PCSK5: variants seen among roughly 807,000 people sequenced by gnomAD.
PCSK5 encodes the protein prohormone convertase 5.
In PCSK5, 129 loss-of-function variants were observed where a neutral mutation model predicts 233.2. That is an observed-to-expected ratio of 0.55 (90% CI 0.48 to 0.64). The LOEUF (loss-of-function observed/expected upper bound fraction) is 0.64, where lower values mean the gene tolerates loss of function less well. PCSK5 is among the 30% of genes least tolerant of loss of function. The pLI is 0.00. For missense variants in PCSK5, 2,076 were observed against 2,430.1 expected (o/e 0.85, Z 3.06); for synonymous variants, 825 against 879.2 (o/e 0.94, Z 1.09).
intron 5 of PCSK5, among the ~76,000 whole-genome samples, chr9:76,053,958 A>G (rs763524320): frequency 2.0e-5 from 3 of 152,186 alleles, no homozygotes; most frequent in Non-Finnish European, 4.4e-5. Context: ...ACTTATAAAG[A>G]AAAAGAGGTT....
intron 37 of PCSK5, among the ~76,000 whole-genome samples, chr9:76,356,635 T>C (rs1830310218): frequency 6.6e-6 from 1 of 152,186 alleles, no homozygotes; most frequent in African/African-American, 2.4e-5. Context: ...GATAGGGCTG[T>C]TACTTTAGAA....
intron 22 of PCSK5, among the ~76,000 whole-genome samples, chr9:76,236,367 T>C (rs1427811215): frequency 6.6e-6 from 1 of 152,184 alleles, no homozygotes; most frequent in Non-Finnish European, 1.5e-5. Context: ...TAAAAGTGAA[T>C]TACTCTCCAG....
chr9:76,170,195 A>G (rs1823272062), intron 13 of PCSK5, among the ~76,000 whole-genome samples: 2 of 142,606 alleles, frequency 1.4e-5, no homozygotes, highest in African/African-American at 5.1e-5. Flanking sequence ...ACAAGAAGAG[A>G]CAGGCTTCCT....
chr9:75,913,170 G>A lies in PCSK5; in HGVS notation c.193-19209G>A, dbSNP rs989595118. Among the ~76,000 whole-genome samples, 3 of 151,948 alleles carry A rather than the reference G, an allele frequency of 2.0e-5. No individual in the cohort carries two copies. The East Asian group carries it at 5.8e-4, about 29-fold the overall frequency. On this transcript the variant is annotated intron_variant, in intron 1 of 37. Transcript: ENST00000674117. ...TGGGCACATTCTTCCTCAGCACCTG[G>A]TATGCTGCTGGCTGTTCCCACAGAG...
At chr9:76,063,319 C>CTTTTTT (rs1157596601) in intron 5 of PCSK5, among the ~76,000 whole-genome samples, 5,420 of 60,038 alleles carry the variant, frequency 0.09, 16 homozygotes, top group Non-Finnish European at 0.12. Flanking sequence ...TTTCTTTTTT[C>CTTTTTT]TTTTTTTTTT....
chr9:76,235,751 G>A (rs145822710), intron 22 of PCSK5, among the ~76,000 whole-genome samples: 5 of 152,170 alleles, frequency 3.3e-5, no homozygotes, highest in Admixed American at 6.5e-5. Context: ...AGCAGAGAAG[G>A]CTTCCTCGAG....
chr9:75,891,419 G>A, intron 1 of PCSK5, 46 bp downstream of exon 1: 1 of 1,444,932 alleles, frequency 6.9e-7, no homozygotes, highest in African/African-American at 1.5e-5. Flanking sequence ...GAAGCCACTG[G>A]GGGCTTCTTG....
At chr9:76,328,975 A>ATTTTTTTTTTTTTTTTTTTTTTTTTTT (rs59466685) in intron 33 of PCSK5, among the ~76,000 whole-genome samples, 3 of 123,726 alleles carry the variant, frequency 2.4e-5, no homozygotes, top group Non-Finnish European at 3.3e-5. Flanking sequence ...CTCCCGGCTA[A>ATTTTTTTTTTTTTTTTTTTTTTTTTTT]TTTTTTTTTT....
At chr9:75,965,989 A>T (rs928255849) in intron 2 of PCSK5, among the ~76,000 whole-genome samples, 7 of 152,180 alleles carry the variant, frequency 4.6e-5, no homozygotes, top group Admixed American at 3.9e-4. Flanking sequence ...GACACATTAT[A>T]GACAGATATA....
chr9:76,003,818 A>ATT (rs112766069), intron 3 of PCSK5, among the ~76,000 whole-genome samples: 10 of 151,546 alleles, frequency 6.6e-5, no homozygotes, highest in Middle Eastern at 3.4e-3. Context: ...TCTTTTATTT[A>ATT]TTTTTTTAGA....
chr9:76,040,399 C>CTGTCTCTCTGTCTG, intron 5 of PCSK5, among the ~76,000 whole-genome samples: 1 of 130,702 alleles, frequency 7.7e-6, no homozygotes, highest in South Asian at 2.7e-4. Context: ...CTCTCTCTCT[C>CTGTCTCTCTGTCTG]TCTCTCTCTC....
chr9:75,945,001 C>T lies in PCSK5; in HGVS notation c.297+12518C>T, dbSNP rs531324551. Among the ~76,000 whole-genome samples the T allele has an allele frequency of 1.3e-4, 20 of 151,698 alleles. No homozygotes were observed. In the South Asian group the frequency reaches 3.3e-3, roughly 25 times the overall value. ...GTGCATGCCTGTAATCCCAACTACT[C>T]GGGAGGCTGAGGCAGGAGAATTGCT... On this transcript the variant is annotated intron_variant, in intron 2 of 37. Transcript: ENST00000674117.
chr9:76,161,010 G>A (rs947243888), intron 12 of PCSK5, among the ~76,000 whole-genome samples: 2 of 152,202 alleles, frequency 1.3e-5, no homozygotes, highest in Non-Finnish European at 2.9e-5. Flanking sequence ...CCAACCTCAA[G>A]TGATCCTCTT....
Position 75,986,187 on chromosome 9 carries a change from T to G in PCSK5, c.353T>G (p.Phe118Cys). ...AAGCGGACAAAGAGGGATTATGACTTCAGTCGTGCCCAGTCTACCTATTTC... is the reference window on the plus strand; with the variant it reads ...AAGCGGACAAAGAGGGATTATGACTGCAGTCGTGCCCAGTCTACCTATTTC... ...VKKRTKRDYD[F>C]SRAQSTYFND... Residue 118 changes from phenylalanine (F) to cysteine (C), a missense_variant, in exon 3 of 38, where the codon TTC (phenylalanine) becomes TGC (cysteine). Physicochemically the swap from Phe to Cys is radical, Grantham distance 205. Coordinates refer to ENST00000674117, the MANE Select transcript of PCSK5 (RefSeq NM_001372043.1). 1 of 1,613,936 alleles carries G rather than the reference T, an allele frequency of 6.2e-7. No homozygotes were observed. The highest frequency in any genetic ancestry group is 8.5e-7 in the Non-Finnish European group (1 of 1,179,784).
Position 76,078,552 on chromosome 9 carries a change from A to T in PCSK5, c.894+6654A>T, listed in dbSNP as rs1420803345. ...ATAGGGAGTCCTTTCTCTATTACTT[A>T]TCCCAGCGCCATTTATTGAATAAGG... On this transcript the variant is annotated intron_variant, in intron 7 of 37. Coordinates refer to ENST00000674117, the MANE Select transcript of PCSK5 (RefSeq NM_001372043.1). Among the ~76,000 whole-genome samples, 6 of 152,174 alleles carry T rather than the reference A, an allele frequency of 3.9e-5. No homozygotes were observed. In the East Asian group the frequency reaches 1.2e-3, roughly 29 times the overall value.
chr9:76,180,228 C>T (rs1380724104), intron 15 of PCSK5, among the ~76,000 whole-genome samples: 1 of 151,970 alleles, frequency 6.6e-6, no homozygotes, highest in Non-Finnish European at 1.5e-5. Context: ...CTACTCTCGT[C>T]ACAATTTTCA....
chr9:76,318,013 G>A (rs995047143), intron 30 of PCSK5, among the ~76,000 whole-genome samples: 4 of 152,120 alleles, frequency 2.6e-5, no homozygotes, highest in African/African-American at 9.7e-5. Context: ...CTCACTAATG[G>A]ATCATGATAG....
chr9:75,996,746 A>G (rs751663523), intron 3 of PCSK5, among the ~76,000 whole-genome samples: 3 of 152,018 alleles, frequency 2.0e-5, no homozygotes, highest in Non-Finnish European at 2.9e-5. Context: ...GCTTTCAAAG[A>G]GTAAAAAATG....
chr9:76,192,701 G>C (rs550269672), intron 20 of PCSK5, among the ~76,000 whole-genome samples: 1 of 72,964 alleles, frequency 1.4e-5, no homozygotes, highest in South Asian at 5.6e-4. Context: ...AAAGATTCTT[G>C]CATAAGCATG....
Sources: allele counts gnomAD v4.1 joint callset (sites outside exome capture counted in the v4.1 genomes callset), GRCh38; gene constraint gnomAD v4.1.1; transcripts MANE v1.5; gene names NCBI Gene and HGNC (gene_info 2026-07-23, HGNC 2026-07-21).